Variants in TGFA observed in about 807,000 individuals in gnomAD.
TGFA encodes the protein protransforming growth factor alpha.
Under a neutral mutation model 21.7 loss-of-function variants are expected in TGFA, and 12 were observed. The observed-to-expected ratio is 0.55, with a 90% CI of 0.35 to 0.90. The LOEUF is 0.90. Among genes scored for constraint, TGFA ranks in the 40% least tolerant of loss-of-function variants. TGFA has a pLI of 0.01. For missense variants in TGFA, 178 were observed against 210.8 expected (o/e 0.84, Z 0.96); for synonymous variants, 79 against 88.1 (o/e 0.90, Z 0.58).
chr2:70,533,457 G>A (rs1346966750), intron 1 of TGFA, among the ~76,000 whole-genome samples: 2 of 152,142 alleles, frequency 1.3e-5, no homozygotes, highest in African/African-American at 4.8e-5. Context: ...AGTGCAATGT[G>A]GACAAAAACT....
chr2:70,473,726 A>G (rs1670844122), intron 2 of TGFA, among the ~76,000 whole-genome samples: 1 of 152,100 alleles, frequency 6.6e-6, no homozygotes, highest in Non-Finnish European at 1.5e-5. Flanking sequence ...ATAATTATGC[A>G]ACTCATTCAT....
Position 70,514,603 on chromosome 2 carries a change from A to T in TGFA, c.94+256T>A, listed in dbSNP as rs578170793. 2.6e-5 allele frequency among the ~76,000 whole-genome samples: 4 copies of T among 152,272 alleles called. No individual in the cohort carries two copies. The East Asian group carries it at 7.7e-4, about 29-fold the overall frequency. On this transcript the variant is annotated intron_variant, in intron 2 of 5. Coordinates refer to ENST00000295400, the MANE Select transcript of TGFA (RefSeq NM_003236.4). ...GCCCTGTTTTGGCACACTTGCCCAC[A>T]GGAATTGTCTGAACAGCTGAAGAGA...
chr2:70,484,099 C>G (rs1044427508), intron 2 of TGFA, among the ~76,000 whole-genome samples: 1 of 152,200 alleles, frequency 6.6e-6, no homozygotes, highest in East Asian at 1.9e-4. Flanking sequence ...TGAAATTGAA[C>G]TCTACCTAGT....
chr2:70,489,895 A>G (rs17005706), intron 2 of TGFA, among the ~76,000 whole-genome samples: 8,746 of 152,274 alleles, frequency 0.057, 306 homozygotes, highest in Middle Eastern at 0.13. Flanking sequence ...TCCTCCACAC[A>G]TTGTAGGCTG....
Position 70,450,632 on chromosome 2 carries a change from C to A in TGFA, c.*227G>T. 1.8e-6 allele frequency: 1 copy of A among 552,426 alleles called. No homozygotes were observed. The highest frequency in any genetic ancestry group is 3.3e-6 in the Non-Finnish European group (1 of 305,306). The allele number at this position is 552,426 out of a possible 1,614,324, so 34.2% of individuals were successfully genotyped here. Reference sequence around the variant, plus strand: ...TCTTTGCAGTTCTTTTTTAACAAGTCTTGAAATCGTGGTCCGCTGATTTCT... The same window carrying A: ...TCTTTGCAGTTCTTTTTTAACAAGTATTGAAATCGTGGTCCGCTGATTTCT... On this transcript the variant is annotated 3_prime_UTR_variant, in exon 6 of 6. Transcript: ENST00000295400.
chr2:70,476,075 T>A (rs541813417), intron 2 of TGFA, among the ~76,000 whole-genome samples: 2 of 49,002 alleles, frequency 4.1e-5, no homozygotes, highest in South Asian at 1.1e-3. Context: ...CTTAGTAATT[T>A]TAAGCAAAAA....
chr2:70,512,369 C>T (rs1239095450), intron 2 of TGFA, among the ~76,000 whole-genome samples: 3 of 152,202 alleles, frequency 2.0e-5, no homozygotes, highest in African/African-American at 7.2e-5. Flanking sequence ...CCACCTCCCT[C>T]CTCTGCAGAC....
intron 1 of TGFA, among the ~76,000 whole-genome samples, chr2:70,541,648 C>T (rs570962218): frequency 1.3e-5 from 2 of 152,220 alleles, no homozygotes; most frequent in East Asian, 1.9e-4. Flanking sequence ...GAGAAGAGGC[C>T]GGTGCTGTGG....
intron 1 of TGFA, among the ~76,000 whole-genome samples, chr2:70,545,876 A>T (rs1010641901): frequency 6.6e-5 from 10 of 152,224 alleles, no homozygotes; most frequent in Non-Finnish European, 1.0e-4. Flanking sequence ...TATTCTTCTC[A>T]TATAAAGTGT....
intron 1 of TGFA, among the ~76,000 whole-genome samples, chr2:70,549,562 C>T (rs996551796): frequency 5.9e-5 from 9 of 152,184 alleles, no homozygotes; most frequent in Non-Finnish European, 1.3e-4. Context: ...GTAGAGGATA[C>T]TACAGAGGTT....
intron 3 of TGFA, among the ~76,000 whole-genome samples, chr2:70,464,073 G>T (rs1670481032): frequency 6.6e-6 from 1 of 152,284 alleles, no homozygotes; most frequent in Non-Finnish European, 1.5e-5. Flanking sequence ...TGAGGGGCCT[G>T]CCCAGACTCA....
At chr2:70,493,693 C>T (rs1017967369) in intron 2 of TGFA, among the ~76,000 whole-genome samples, 3 of 152,098 alleles carry the variant, frequency 2.0e-5, no homozygotes, top group Non-Finnish European at 4.4e-5. Flanking sequence ...CTTACCAGTG[C>T]CATAACAATG....
chr2:70,536,066 A>G (rs1672959781), intron 1 of TGFA, among the ~76,000 whole-genome samples: 1 of 152,250 alleles, frequency 6.6e-6, no homozygotes, highest in Non-Finnish European at 1.5e-5. Flanking sequence ...ACTCACTGGA[A>G]CTTCTCATTC....
intron 1 of TGFA, among the ~76,000 whole-genome samples, chr2:70,543,804 CA>C (rs1395668537): frequency 6.6e-6 from 1 of 151,860 alleles, no homozygotes; most frequent in Non-Finnish European, 1.5e-5. Flanking sequence ...TAGCAGAACA[CA>C]AAAAAGATGA....
chr2:70,553,033 C>T, intron 1 of TGFA: 1 of 882,838 alleles, frequency 1.1e-6, no homozygotes, highest in East Asian at 2.7e-5. Flanking sequence ...TCACCTTTCC[C>T]ATCCCTCCTT....
intron 1 of TGFA, among the ~76,000 whole-genome samples, chr2:70,518,133 C>T (rs1254184891): frequency 1.3e-5 from 2 of 152,266 alleles, no homozygotes; most frequent in Non-Finnish European, 2.9e-5. Flanking sequence ...CCCACAGCCA[C>T]AGGCTCCTCC....
At chr2:70,508,478 G>A (rs1396045613) in intron 2 of TGFA, among the ~76,000 whole-genome samples, 1 of 151,696 alleles carries the variant, frequency 6.6e-6, no homozygotes, top group Non-Finnish European at 1.5e-5. Context: ...GGGAGGTGAA[G>A]GGGGGGAATG....
At chr2:70,502,498 CCTGG>C (rs1489828533) in intron 2 of TGFA, among the ~76,000 whole-genome samples, 8 of 152,202 alleles carry the variant, frequency 5.3e-5, no homozygotes, top group Non-Finnish European at 8.8e-5. Context: ...AGTCACCATG[CCTGG>C]CTAAGACGGG....
At chr2:70,508,095 G>A (rs1257764403) in intron 2 of TGFA, among the ~76,000 whole-genome samples, 1 of 152,224 alleles carries the variant, frequency 6.6e-6, no homozygotes. Context: ...TAAGTAGAGA[G>A]TTTTGGAAAA....
Sources: allele counts gnomAD v4.1 joint callset (sites outside exome capture counted in the v4.1 genomes callset), GRCh38; gene constraint gnomAD v4.1.1; transcripts MANE v1.5; gene names NCBI Gene and HGNC (gene_info 2026-07-23, HGNC 2026-07-21).